CEP170: variants seen among roughly 807,000 people sequenced by gnomAD.
CEP170 encodes centrosomal protein 170, also known as centrosomal protein of 170 kDa.
In CEP170, 21 loss-of-function variants were observed where a neutral mutation model predicts 151.9. The observed-to-expected ratio is 0.14, with a 90% CI of 0.10 to 0.20. The LOEUF (loss-of-function observed/expected upper bound fraction) is 0.20. CEP170 is among the 10% of genes least tolerant of loss of function. The probability of loss-of-function intolerance (pLI) is 1.00; values close to 1 mark genes in which losing one functional copy is unlikely to be tolerated. For synonymous variants in CEP170, 356 were observed against 648.8 expected (o/e 0.55, Z 6.86); for missense variants, 964 against 1,892.9 (o/e 0.51, Z 9.11).
Position 243,201,330 on chromosome 1 carries a change from A to G in CEP170, c.275-495T>C, listed in dbSNP as rs183304940. Among the ~76,000 whole-genome samples the G allele has an allele frequency of 2.8e-3, 430 of 152,272 alleles. 4 individuals carry two copies. The highest frequency in any genetic ancestry group is 9.9e-3 in the African/African-American group (411 of 41,548). On this transcript the variant is annotated intron_variant, in intron 4 of 19. Coordinates refer to ENST00000366542, the MANE Select transcript of CEP170 (RefSeq NM_014812.3). ...AAGAAATGCTATAATTAGGGTCCTT[A>G]CAGCAACCACAACCATGACTGTTCC...
At chr1:243,180,910 A>C (rs900403873) in intron 10 of CEP170, among the ~76,000 whole-genome samples, 2 of 152,232 alleles carry the variant, frequency 1.3e-5, no homozygotes, top group African/African-American at 4.8e-5. Flanking sequence ...GAGGCTTTGT[A>C]GGGGAGATAT....
chr1:243,131,944 C>A (rs1319318048), intron 17 of CEP170, among the ~76,000 whole-genome samples: 1 of 152,226 alleles, frequency 6.6e-6, no homozygotes, highest in Admixed American at 6.5e-5. Flanking sequence ...AGTACTAGCC[C>A]TTAAAACATG....
At chr1:243,212,180 G>C (rs2061869129) in intron 3 of CEP170, among the ~76,000 whole-genome samples, 1 of 152,174 alleles carries the variant, frequency 6.6e-6, no homozygotes, top group Non-Finnish European at 1.5e-5. Context: ...AAAGAACCCA[G>C]TGCTGCCAAG....
At chr1:243,127,404 T>C (rs1162894458) in intron 19 of CEP170, among the ~76,000 whole-genome samples, 10 of 152,114 alleles carry the variant, frequency 6.6e-5, no homozygotes, top group African/African-American at 2.4e-4. Context: ...TCTCAGGCGG[T>C]GATTTTCAAT....
chr1:243,156,790 C>A, intron 13 of CEP170: 10 of 178,412 alleles, frequency 5.6e-5, no homozygotes, highest in Non-Finnish European at 1.0e-4. Context: ...TTTTCAATTG[C>A]AAATATTTCT....
chr1:243,210,264 T>G (rs1459148351), intron 4 of CEP170, among the ~76,000 whole-genome samples: 2 of 152,140 alleles, frequency 1.3e-5, no homozygotes, highest in Admixed American at 6.5e-5. Flanking sequence ...CTTGACAGAG[T>G]TTTACTAAAA....
intron 4 of CEP170, among the ~76,000 whole-genome samples, chr1:243,207,448 A>C (rs965500709): frequency 2.0e-5 from 3 of 152,244 alleles, no homozygotes; most frequent in African/African-American, 7.2e-5. Context: ...TGAGATTTCA[A>C]TACCCCTTTC....
At chr1:243,162,900 T>C (rs1418320673) in intron 13 of CEP170, among the ~76,000 whole-genome samples, 1 of 152,322 alleles carries the variant, frequency 6.6e-6, no homozygotes, top group East Asian at 1.9e-4. Context: ...TTTTAAAATA[T>C]TTGGCAATAA....
intron 8 of CEP170, among the ~76,000 whole-genome samples, chr1:243,189,699 TAA>T (rs2060183630): frequency 6.6e-6 from 1 of 152,036 alleles, no homozygotes; most frequent in Admixed American, 6.6e-5. Flanking sequence ...TTTTGTTTAT[TAA>T]GAGTGGTTTT....
intron 16 of CEP170, among the ~76,000 whole-genome samples, chr1:243,139,398 T>C (rs1558389257): frequency 6.6e-6 from 1 of 152,156 alleles, no homozygotes; most frequent in East Asian, 1.9e-4. Context: ...TTTGCAGATT[T>C]TTCTATTGTG....
At chr1:243,249,943 T>C (rs887264422) in intron 1 of CEP170, among the ~76,000 whole-genome samples, 1 of 152,138 alleles carries the variant, frequency 6.6e-6, no homozygotes, top group Admixed American at 6.5e-5. Flanking sequence ...TAGCCGGGCG[T>C]GCCTGTAGTC....
At chr1:243,196,294 A>C (rs1232334899) in intron 7 of CEP170, among the ~76,000 whole-genome samples, 1 of 152,012 alleles carries the variant, frequency 6.6e-6, no homozygotes. Context: ...CTAAGTTCAA[A>C]TCCCAGCTCC....
chr1:243,205,744 T>G (rs1232148300), intron 4 of CEP170, among the ~76,000 whole-genome samples: 1 of 152,042 alleles, frequency 6.6e-6, no homozygotes, highest in Non-Finnish European at 1.5e-5. Flanking sequence ...AAATTCACAA[T>G]GCCTGCCATC....
chr1:243,221,348 T>G (rs1572427170), intron 3 of CEP170, among the ~76,000 whole-genome samples: 2 of 152,214 alleles, frequency 1.3e-5, no homozygotes, highest in Non-Finnish European at 2.9e-5. Flanking sequence ...TTTTCTAAAC[T>G]TAACCATTAC....
chr1:243,238,360 G>A (rs1342666558), intron 1 of CEP170, among the ~76,000 whole-genome samples: 2 of 152,140 alleles, frequency 1.3e-5, no homozygotes, highest in Non-Finnish European at 2.9e-5. Flanking sequence ...AAGGGAGGCT[G>A]AGATAGGAAG....
At chr1:243,242,305 A>G (rs973221259) in intron 1 of CEP170, among the ~76,000 whole-genome samples, 5 of 151,000 alleles carry the variant, frequency 3.3e-5, no homozygotes. Flanking sequence ...TACAAGCTCC[A>G]CCTCCCGGGT....
At chr1:243,145,714 G>A (rs1365259055) in intron 14 of CEP170, among the ~76,000 whole-genome samples, 2 of 152,084 alleles carry the variant, frequency 1.3e-5, no homozygotes, top group South Asian at 4.1e-4. Flanking sequence ...GGCTATTAAT[G>A]AAGTATACTA....
intron 17 of CEP170, among the ~76,000 whole-genome samples, chr1:243,134,876 C>T (rs3015139): frequency 0.038 from 5,807 of 152,002 alleles, 369 homozygotes; most frequent in African/African-American, 0.13. Context: ...CACTCATACT[C>T]TTTGGGGAAA....
chr1:243,192,703 TA>T (rs1242023690), intron 7 of CEP170, among the ~76,000 whole-genome samples: 6 of 152,226 alleles, frequency 3.9e-5, no homozygotes, highest in Non-Finnish European at 8.8e-5. Flanking sequence ...TTTCAAAAAT[TA>T]AATTTTAGTG....
Sources: allele counts gnomAD v4.1 joint callset (sites outside exome capture counted in the v4.1 genomes callset), GRCh38; gene constraint gnomAD v4.1.1; transcripts MANE v1.5; gene names NCBI Gene and HGNC (gene_info 2026-07-23, HGNC 2026-07-21).